The following NCALD variants were observed in gnomAD, a reference collection of about 807,000 sequenced individuals.
NCALD encodes the protein neurocalcin delta.
NCALD carries 10 observed loss-of-function variants against 18.6 expected under a neutral mutation model. That is an observed-to-expected ratio of 0.54 (90% CI 0.33 to 0.91). The LOEUF (loss-of-function observed/expected upper bound fraction) is 0.91, where lower values mean the gene tolerates loss of function less well. Ranked by LOEUF, NCALD falls within the 40% of genes least tolerant of loss-of-function variation. The pLI is 0.03. For synonymous variants in NCALD, 88 were observed against 87.4 expected, an observed-to-expected ratio of 1.01 and a Z score of -0.04; for missense variants, 184 against 247.6, an observed-to-expected ratio of 0.74 and a Z score of 1.72.
intron 2 of NCALD, among the ~76,000 whole-genome samples, chr8:101,704,384 G>A (rs1311357548): frequency 1.3e-5 from 2 of 152,088 alleles, no homozygotes; most frequent in African/African-American, 4.8e-5. Context: ...GGGTGTGGGG[G>A]GCAGAGGAGA....
chr8:102,050,793 T>C (rs118111815), intron 1 of NCALD, among the ~76,000 whole-genome samples: 21,055 of 145,398 alleles, frequency 0.14, 1,740 homozygotes, highest in South Asian at 0.19. Context: ...ATTAACTAAT[T>C]TTTAATTTAA....
intron 1 of NCALD, among the ~76,000 whole-genome samples, chr8:102,086,951 A>G (rs1274541812): frequency 6.6e-6 from 1 of 152,236 alleles, no homozygotes; most frequent in African/African-American, 2.4e-5. Flanking sequence ...ATGACAGTTT[A>G]CAGATGCCAT....
chr8:101,913,367 T>C (rs890148228), intron 3 of NCALD, among the ~76,000 whole-genome samples: 9 of 152,240 alleles, frequency 5.9e-5, no homozygotes, highest in African/African-American at 1.7e-4. Flanking sequence ...GAATGCTTTA[T>C]ACATGTGTAT....
chr8:101,970,944 T>C (rs1404828106), intron 2 of NCALD, among the ~76,000 whole-genome samples: 1 of 152,162 alleles, frequency 6.6e-6, no homozygotes, highest in Non-Finnish European at 1.5e-5. Context: ...ATTAATGCCA[T>C]CTTACAGGAG....
chr8:101,715,003 C>CAAA (rs1297532566), intron 2 of NCALD, among the ~76,000 whole-genome samples: 2 of 103,226 alleles, frequency 1.9e-5, no homozygotes, highest in African/African-American at 8.5e-5. Context: ...GACTCCGTCT[C>CAAA]AAAAAAAAAA....
chr8:101,984,836 A>G lies in NCALD; in HGVS notation c.-157+35401T>C, dbSNP rs567107436. ...ATTGATTCTGTGCTTCTCCAAGACAACTCTACCCAGGGGGTACCCACCATC... is the reference window on the plus strand; with the variant it reads ...ATTGATTCTGTGCTTCTCCAAGACAGCTCTACCCAGGGGGTACCCACCATC... On this transcript the variant is annotated intron_variant, in intron 2 of 6. Transcript: ENST00000311028. 2.6e-5 allele frequency among the ~76,000 whole-genome samples: 4 copies of G among 152,040 alleles called. No homozygotes were observed. In the East Asian group the frequency reaches 7.7e-4, roughly 29 times the overall value.
intron 4 of NCALD, among the ~76,000 whole-genome samples, chr8:101,877,856 G>A (rs1462080416): frequency 1.3e-5 from 2 of 152,120 alleles, no homozygotes; most frequent in East Asian, 1.9e-4. Flanking sequence ...ATCAAAACAA[G>A]CAAATACTGC....
intron 1 of NCALD, among the ~76,000 whole-genome samples, chr8:102,084,621 G>A (rs1238695202): frequency 1.3e-5 from 2 of 152,186 alleles, no homozygotes; most frequent in Non-Finnish European, 2.9e-5. Context: ...CACACGCAAT[G>A]TGAAATTATA....
chr8:102,042,405 G>C (rs886464859), intron 1 of NCALD, among the ~76,000 whole-genome samples: 1 of 151,936 alleles, frequency 6.6e-6, no homozygotes, highest in African/African-American at 2.4e-5. Flanking sequence ...GGACCACTCA[G>C]AGAGCTTCAC....
At chr8:101,922,195 G>GA (rs375285053) in intron 2 of NCALD, among the ~76,000 whole-genome samples, 80 of 145,072 alleles carry the variant, frequency 5.5e-4, no homozygotes, top group African/African-American at 1.0e-3. Context: ...GATGCTTCAT[G>GA]AAAAAAAAAA....
intron 4 of NCALD, among the ~76,000 whole-genome samples, chr8:101,810,710 C>T (rs1347934990): frequency 3.3e-5 from 5 of 151,948 alleles, no homozygotes; most frequent in African/African-American, 4.8e-5. Flanking sequence ...AGCATCTCTT[C>T]TAAAAAAGCT....
intron 4 of NCALD, among the ~76,000 whole-genome samples, chr8:101,801,173 C>G (rs528015291): frequency 2.0e-5 from 3 of 152,128 alleles, no homozygotes; most frequent in African/African-American, 7.2e-5. Context: ...AGAAGTGCTA[C>G]TAAAGATATA....
chr8:101,964,056 T>C (rs1191770989), intron 2 of NCALD, among the ~76,000 whole-genome samples: 2 of 152,182 alleles, frequency 1.3e-5, no homozygotes, highest in African/African-American at 2.4e-5. Flanking sequence ...TTCCAGTCAC[T>C]AGTTGTAATG....
chr8:101,799,044 T>C (rs776964495), intron 4 of NCALD, among the ~76,000 whole-genome samples: 5 of 151,900 alleles, frequency 3.3e-5, no homozygotes, highest in Non-Finnish European at 5.9e-5. Context: ...TATTTGCAAA[T>C]CAAATATTTG....
intron 4 of NCALD, among the ~76,000 whole-genome samples, chr8:101,865,579 T>C (rs374425551): frequency 1.3e-5 from 2 of 152,204 alleles, no homozygotes; most frequent in East Asian, 3.9e-4. Flanking sequence ...GGAAATCCTC[T>C]GGGGTTCCCT....
At chr8:102,071,431 C>T (rs1429620346) in intron 1 of NCALD, among the ~76,000 whole-genome samples, 1 of 152,234 alleles carries the variant, frequency 6.6e-6, no homozygotes, top group African/African-American at 2.4e-5. Context: ...AAGCACTATG[C>T]TAGGGTTTTG....
chr8:101,704,136 A>G (rs533583618), intron 2 of NCALD, among the ~76,000 whole-genome samples: 1 of 152,340 alleles, frequency 6.6e-6, no homozygotes, highest in Non-Finnish European at 1.5e-5. Flanking sequence ...TGGAAAGTTC[A>G]AACTGTTTCC....
chr8:101,716,384 G>T (rs1380261783), intron 2 of NCALD, among the ~76,000 whole-genome samples: 2 of 151,840 alleles, frequency 1.3e-5, no homozygotes, highest in Non-Finnish European at 2.9e-5. Context: ...CGGGTTGATG[G>T]GTGCAGCAAA....
At chr8:101,739,717 C>T (rs1458553298) in intron 1 of NCALD, among the ~76,000 whole-genome samples, 3 of 152,190 alleles carry the variant, frequency 2.0e-5, no homozygotes, top group Middle Eastern at 3.2e-3. Flanking sequence ...TTGCCAGGGT[C>T]TCTCAGGCCT....
Sources: gnomAD v4.1 joint callset for allele counts (sites outside exome capture counted in the v4.1 genomes callset) on GRCh38, gnomAD v4.1.1 for gene constraint, MANE v1.5 for transcripts, NCBI Gene and HGNC (gene_info 2026-07-23, HGNC 2026-07-21) for gene names.